Variants in ZNF718 observed in about 807,000 individuals in gnomAD.
ZNF718 encodes zinc finger protein 718.
In ZNF718, 3 loss-of-function variants were observed where a neutral mutation model predicts 2.6. The ratio of observed to expected loss-of-function variants is 1.16; its 90% confidence interval spans 0.53 to 3.01. The LOEUF (loss-of-function observed/expected upper bound fraction) is 3.01. Among genes scored for constraint, ZNF718 ranks in the 30% most tolerant of loss-of-function variants. The probability of loss-of-function intolerance (pLI) is 0.03; values close to 1 mark genes in which losing one functional copy is unlikely to be tolerated. For synonymous variants in ZNF718, 135 were observed against 77.9 expected (o/e 1.73, Z -3.86); for missense variants, 468 against 230.0 (o/e 2.03, Z -6.69).
chr4:170,434 G>T (rs544594478), intron 3 of ZNF718, among the ~76,000 whole-genome samples: 1 of 152,176 alleles, frequency 6.6e-6, no homozygotes, highest in Non-Finnish European at 1.5e-5. Flanking sequence ...ATAATATCCT[G>T]CAGAGTGTTT....
chr4:156,863 T>G (rs574341717), intron 3 of ZNF718, among the ~76,000 whole-genome samples: 11 of 152,298 alleles, frequency 7.2e-5, no homozygotes, highest in Admixed American at 5.9e-4. Context: ...TGCATTACTT[T>G]CGTTTATTTG....
chr4:137,068 G>A (rs1715600008), intron 3 of ZNF718, among the ~76,000 whole-genome samples: 1 of 152,068 alleles, frequency 6.6e-6, no homozygotes, highest in African/African-American at 2.4e-5. Flanking sequence ...TTTTTTAAAA[G>A]CATGTGGCAC....
At chr4:172,296 T>C (rs781887942) in intron 3 of ZNF718, among the ~76,000 whole-genome samples, 22 of 152,230 alleles carry the variant, frequency 1.4e-4, no homozygotes, top group Non-Finnish European at 5.9e-5. Context: ...ATGACAAGAT[T>C]TTTTCTCTTT....
intron 3 of ZNF718, among the ~76,000 whole-genome samples, chr4:196,201 C>G (rs1028826112): frequency 2.0e-5 from 3 of 152,164 alleles, no homozygotes; most frequent in Non-Finnish European, 4.4e-5. Context: ...GAGGGGTCAG[C>G]TGGGTAGAAA....
At chr4:165,328 C>T (rs1166412184), downstream of ZNF718, among the ~76,000 whole-genome samples, 2 of 152,072 alleles carry the variant, frequency 1.3e-5, no homozygotes, top group African/African-American at 4.8e-5. Context: ...AGGATTAAGG[C>T]AGTCAGCATT....
At chr4:198,362 CTTAAAG>C (rs1325526881) in intron 3 of ZNF718, among the ~76,000 whole-genome samples, 3 of 152,122 alleles carry the variant, frequency 2.0e-5, no homozygotes, top group Non-Finnish European at 2.9e-5. Context: ...CCAATTGAGG[CTTAAAG>C]TTAAAAGGAG....
At chr4:124,826 C>T in intron 1 of ZNF718, 153 bp downstream of exon 1, 1 of 1,017,044 alleles carries the variant, frequency 9.8e-7, no homozygotes, top group Middle Eastern at 3.3e-4. Context: ...TTGTCAGTCC[C>T]CGTACAGCGG....
chr4:174,668 A>G (rs1354582680), intron 3 of ZNF718, among the ~76,000 whole-genome samples: 1 of 152,238 alleles, frequency 6.6e-6, no homozygotes, highest in African/African-American at 2.4e-5. Context: ...TGTCGAGGCT[A>G]TAACTACCTT....
chr4:162,670 A>G lies in ZNF718; in HGVS notation c.*548A>G, dbSNP rs1716948271. On this transcript the variant is annotated 3_prime_UTR_variant, in exon 4 of 4. Coordinates refer to ENST00000510175, the MANE Select transcript of ZNF718 (RefSeq NM_001039127.6). ...ATGGGTCTTATTGTGCATATTTCATACTAGAAGAAAACCCTGAAGCAGTTG... is the reference window on the plus strand; with the variant it reads ...ATGGGTCTTATTGTGCATATTTCATGCTAGAAGAAAACCCTGAAGCAGTTG... 1 of 152,204 alleles carries G rather than the reference A, an allele frequency of 6.6e-6. No homozygotes were observed. The highest frequency in any genetic ancestry group is 6.5e-5 in the Admixed American group (1 of 15,268). The allele number at this position is 152,204 out of a possible 1,614,324, so 9.4% of individuals were successfully genotyped here.
chr4:150,392 A>G (rs1179242907), intron 3 of ZNF718: 4 of 152,032 alleles, frequency 2.6e-5, no homozygotes, highest in Non-Finnish European at 5.9e-5. Flanking sequence ...GTGTATTTTC[A>G]TGTTTTTGTT....
chr4:148,328 G>A (rs1716158353), intron 3 of ZNF718, among the ~76,000 whole-genome samples: 1 of 152,030 alleles, frequency 6.6e-6, no homozygotes, highest in African/African-American at 2.4e-5. Flanking sequence ...CACCATCAGG[G>A]CCAGGTGCAG....
At chr4:164,181 G>C (rs1553816311), downstream of ZNF718, among the ~76,000 whole-genome samples, 1 of 151,764 alleles carries the variant, frequency 6.6e-6, no homozygotes, top group Non-Finnish European at 1.5e-5. Context: ...TGGACATCTG[G>C]CATCTCTTCT....
chr4:150,276 TTG>T (rs1553812297), intron 3 of ZNF718: 1 of 152,192 alleles, frequency 6.6e-6, no homozygotes, highest in Non-Finnish European at 1.5e-5. Flanking sequence ...TTTCCAGGAA[TTG>T]TCTTTTGTAA....
chr4:127,871 T>C (rs1715273297), intron 1 of ZNF718, among the ~76,000 whole-genome samples: 1 of 105,206 alleles, frequency 9.5e-6, no homozygotes, highest in South Asian at 2.9e-4. Context: ...TCCTGACAAC[T>C]TTCTATCCTG....
chr4:184,366 T>C (rs1553820220), intron 3 of ZNF718, among the ~76,000 whole-genome samples: 1 of 152,180 alleles, frequency 6.6e-6, no homozygotes, highest in African/African-American at 2.4e-5. Context: ...ACCTACTTGG[T>C]CATGGTGGAT....
chr4:192,007 C>G (rs1717702337), intron 3 of ZNF718, among the ~76,000 whole-genome samples: 1 of 152,132 alleles, frequency 6.6e-6, no homozygotes, highest in Non-Finnish European at 1.5e-5. Context: ...TAGGATGAAC[C>G]CAGGCACTTA....
chr4:167,667 A>G (rs953218501), downstream of ZNF718, among the ~76,000 whole-genome samples: 1 of 152,120 alleles, frequency 6.6e-6, no homozygotes, highest in East Asian at 1.9e-4. Flanking sequence ...TTATTGGTGT[A>G]TAAGAACGCT....
chr4:151,599 G>A (rs1267675311), intron 3 of ZNF718, among the ~76,000 whole-genome samples: 1 of 152,026 alleles, frequency 6.6e-6, no homozygotes, highest in Non-Finnish European at 1.5e-5. Context: ...TCCTGCCTCA[G>A]CCTCGCAAGT....
downstream of ZNF718, among the ~76,000 whole-genome samples, chr4:166,419 C>T (rs575240296): frequency 1.2e-4 from 18 of 152,282 alleles, no homozygotes; most frequent in Middle Eastern, 6.8e-3. Context: ...CCTGAGGAAT[C>T]GCCACATTGA....
Sources: gnomAD v4.1 joint callset for allele counts (sites outside exome capture counted in the v4.1 genomes callset) on GRCh38, gnomAD v4.1.1 for gene constraint, MANE v1.5 for transcripts, NCBI Gene and HGNC (gene_info 2026-07-23, HGNC 2026-07-21) for gene names.